Variants in PROS1 observed in about 807,000 individuals in gnomAD.
The protein encoded by PROS1 is protein S.
PROS1 carries 29 observed loss-of-function variants against 75.9 expected under a neutral mutation model. The observed-to-expected ratio is 0.38, with a 90% CI of 0.28 to 0.52. The LOEUF is 0.52. Ranked by LOEUF, PROS1 falls within the 20% of genes least tolerant of loss-of-function variation. The pLI, the probability that PROS1 is intolerant of heterozygous loss-of-function variation, is 0.83. For synonymous variants in PROS1, 245 were observed against 280.6 expected (o/e 0.87, Z 1.27); for missense variants, 680 against 810.3 (o/e 0.84, Z 1.95).
At chr3:93,944,295 G>A (rs1709343300) in intron 1 of PROS1, among the ~76,000 whole-genome samples, 1 of 151,792 alleles carries the variant, frequency 6.6e-6, no homozygotes, top group African/African-American at 2.4e-5. Flanking sequence ...TCAGAAATAT[G>A]GAAGAAAACA....
intron 1 of PROS1, among the ~76,000 whole-genome samples, chr3:93,932,287 A>C (rs1709117574): frequency 6.6e-6 from 1 of 152,232 alleles, no homozygotes; most frequent in African/African-American, 2.4e-5. Flanking sequence ...CTAAAATTTA[A>C]AGTTGAGTTA....
At chr3:93,937,163 A>T (rs1318716529) in intron 1 of PROS1, among the ~76,000 whole-genome samples, 1 of 152,122 alleles carries the variant, frequency 6.6e-6, no homozygotes, top group Non-Finnish European at 1.5e-5. Context: ...CCCTGAGTGT[A>T]CAGTTTCTGT....
intron 1 of PROS1, among the ~76,000 whole-genome samples, chr3:93,973,327 C>A (rs933566867): frequency 6.6e-6 from 1 of 152,110 alleles, no homozygotes; most frequent in African/African-American, 2.4e-5. Flanking sequence ...CCTTTTCTTC[C>A]CTACTCATAA....
intron 1 of PROS1, among the ~76,000 whole-genome samples, chr3:93,971,862 C>G (rs1709887112): frequency 6.6e-6 from 1 of 152,112 alleles, no homozygotes; most frequent in Non-Finnish European, 1.5e-5. Context: ...AACATCACAT[C>G]TATATCCAAA....
At chr3:93,918,407 C>A (rs2107189244) in intron 3 of PROS1, among the ~76,000 whole-genome samples, 2 of 152,146 alleles carry the variant, frequency 1.3e-5, no homozygotes, top group African/African-American at 4.8e-5. Context: ...AAGCTTTGTT[C>A]TTTCACTCTT....
At chr3:93,916,084 G>A (rs528354591) in intron 3 of PROS1, among the ~76,000 whole-genome samples, 2 of 152,224 alleles carry the variant, frequency 1.3e-5, no homozygotes, top group Admixed American at 1.3e-4. Context: ...TCTGGTAAAG[G>A]CCTTATTACA....
chr3:93,960,889 G>T (rs1198623426), intron 1 of PROS1, among the ~76,000 whole-genome samples: 1 of 150,866 alleles, frequency 6.6e-6, no homozygotes, highest in African/African-American at 2.4e-5. Context: ...AAATAGAGTT[G>T]TTCAGGTTTA....
chr3:93,969,007 G>A (rs1236279913), intron 1 of PROS1, among the ~76,000 whole-genome samples: 2 of 152,242 alleles, frequency 1.3e-5, no homozygotes, highest in East Asian at 3.9e-4. Flanking sequence ...TATGAAATGG[G>A]TAGGGAAAGA....
chr3:93,892,911 T>A, intron 10 of PROS1, 22 bp downstream of exon 10: 1 of 1,601,326 alleles, frequency 6.2e-7, no homozygotes, highest in Non-Finnish European at 8.5e-7. Context: ...TGGGAAGATA[T>A]TGATGAAATC....
chr3:93,971,491 C>A (rs1476682881), intron 1 of PROS1, among the ~76,000 whole-genome samples: 3 of 151,124 alleles, frequency 2.0e-5, no homozygotes, highest in African/African-American at 7.3e-5. Context: ...GGAGGCTGGG[C>A]ACAGTGGCTC....
chr3:93,916,623 C>T (rs1708852929), intron 3 of PROS1, among the ~76,000 whole-genome samples: 2 of 152,090 alleles, frequency 1.3e-5, no homozygotes, highest in African/African-American at 4.8e-5. Context: ...GGAGGGTAAA[C>T]AGGAAGGTGA....
chr3:93,940,201 C>T (rs1467951871), intron 1 of PROS1, among the ~76,000 whole-genome samples: 1 of 152,180 alleles, frequency 6.6e-6, no homozygotes, highest in Non-Finnish European at 1.5e-5. Context: ...TCAGTCACTC[C>T]CAGAGCCCCT....
At chr3:93,885,732 A>G (rs1708336440) in intron 11 of PROS1, among the ~76,000 whole-genome samples, 1 of 152,252 alleles carries the variant, frequency 6.6e-6, no homozygotes, top group Non-Finnish European at 1.5e-5. Flanking sequence ...AGTTTCAAAC[A>G]ACAGGTATAC....
chr3:93,950,912 T>A (rs1293466417), intron 1 of PROS1, among the ~76,000 whole-genome samples: 3 of 152,068 alleles, frequency 2.0e-5, no homozygotes, highest in Admixed American at 6.6e-5. Flanking sequence ...GATGTGCGAA[T>A]CCATTGCAAA....
At chr3:93,927,450 T>C (rs570147036) in intron 1 of PROS1, 43 bp from the exon 2 acceptor site, 90 of 1,581,912 alleles carry the variant, frequency 5.7e-5, no homozygotes, top group Admixed American at 3.8e-4. Context: ...CATTTTTCCA[T>C]GTAAAATATA....
chr3:93,919,304 C>A (rs1708908680), intron 3 of PROS1, among the ~76,000 whole-genome samples: 2 of 152,082 alleles, frequency 1.3e-5, no homozygotes, highest in Admixed American at 6.6e-5. Context: ...TAATTTTTGG[C>A]AGACTAATAG....
intron 3 of PROS1, among the ~76,000 whole-genome samples, chr3:93,923,465 A>T (rs953127781): frequency 2.0e-5 from 3 of 152,172 alleles, no homozygotes; most frequent in African/African-American, 4.8e-5. Context: ...AAATATTTAC[A>T]TTTCTATCTA....
intron 1 of PROS1, among the ~76,000 whole-genome samples, chr3:93,971,627 CCACACACACACACACACACA>C (rs748664337): frequency 1.6e-5 from 2 of 124,454 alleles, no homozygotes; most frequent in Non-Finnish European, 3.3e-5. Context: ...AAAATAAAAA[CCACACACACACACACACACA>C]CACACACACA....
At chr3:93,972,873 T>G (rs1302618646) in intron 1 of PROS1, among the ~76,000 whole-genome samples, 2 of 151,986 alleles carry the variant, frequency 1.3e-5, no homozygotes, top group African/African-American at 2.4e-5. Context: ...AAAGGCGTTT[T>G]TATTCAATAA....
Sources: allele counts gnomAD v4.1 joint callset (sites outside exome capture counted in the v4.1 genomes callset), GRCh38; gene constraint gnomAD v4.1.1; transcripts MANE v1.5; gene names NCBI Gene and HGNC (gene_info 2026-07-23, HGNC 2026-07-21).